The following ZNF512 variants were observed in gnomAD, a reference collection of about 807,000 sequenced individuals.
The protein encoded by ZNF512 is zinc finger protein 512.
ZNF512 carries 25 observed loss-of-function variants against 77.5 expected under a neutral mutation model. The observed-to-expected ratio is 0.32, with a 90% CI of 0.23 to 0.45. The LOEUF is 0.45. ZNF512 is among the 20% of genes least tolerant of loss of function. The pLI is 1.00. For synonymous variants in ZNF512, 246 were observed against 239.9 expected (o/e 1.03, Z -0.24); for missense variants, 483 against 692.6 (o/e 0.70, Z 3.40).
chr2:27,596,343 A>T lies in ZNF512; in HGVS notation c.90-1724A>T, dbSNP rs1009212372. ...GGGTATATGCCACACATTCATGGCTAAGGTTAAGTTGTGACTTATTTGGAT... is the reference window on the plus strand; with the variant it reads ...GGGTATATGCCACACATTCATGGCTTAGGTTAAGTTGTGACTTATTTGGAT... On this transcript the variant is annotated intron_variant, in intron 2 of 13. Transcript: ENST00000355467. 2.0e-5 allele frequency among the ~76,000 whole-genome samples: 3 copies of T among 152,198 alleles called. No individual in the cohort carries two copies. In the East Asian group the frequency reaches 5.8e-4, roughly 29 times the overall value.
rs1380128935 is a variant in ZNF512 at position 27,598,136 on chromosome 2, T to A, written c.159T>A (p.Ser53Arg). 1 of 1,614,094 alleles carries A rather than the reference T, an allele frequency of 6.2e-7. No homozygotes were observed. The highest frequency in any genetic ancestry group is 8.5e-7 in the Non-Finnish European group (1 of 1,179,944). Residue 53 changes from serine (S) to arginine (R), a missense_variant, in exon 3 of 14, where the codon AGT (serine) becomes AGA (arginine). By Grantham distance (110) the Ser-to-Arg change is moderately radical (BLOSUM62 -1). Coordinates refer to ENST00000355467, the MANE Select transcript of ZNF512 (RefSeq NM_032434.4). Reference protein sequence around the residue: ...QYTIPHDDSLSGSSSASSCEP... With the variant: ...QYTIPHDDSLRGSSSASSCEP... ...CTATCCCTCATGATGACTCCTTAAG[T>A]GGTTCATCGTCTGCATCTTCGTGTG... is the stretch of plus-strand genomic sequence containing the variant.
chr2:27,620,562 T>C (rs1409731502), intron 13 of ZNF512, among the ~76,000 whole-genome samples: 1 of 152,196 alleles, frequency 6.6e-6, no homozygotes, highest in Non-Finnish European at 1.5e-5. Context: ...GAGATTGGGC[T>C]CAACTCCCTA....
chr2:27,617,031 C>T (rs1328090026), intron 12 of ZNF512: 2 of 167,946 alleles, frequency 1.2e-5, no homozygotes, highest in Admixed American at 5.7e-5. Flanking sequence ...CTAGGTATTA[C>T]GGATGGTACT....
chr2:27,599,056 G>A (rs4468776), intron 3 of ZNF512, among the ~76,000 whole-genome samples: 2,559 of 152,248 alleles, frequency 0.017, 28 homozygotes, highest in South Asian at 0.037. Context: ...GGTCAGGCTG[G>A]TCTTGAACTC....
At chr2:27,587,867 A>T (rs1488045168) in intron 2 of ZNF512, among the ~76,000 whole-genome samples, 1 of 151,152 alleles carries the variant, frequency 6.6e-6, no homozygotes, top group Admixed American at 6.6e-5. Flanking sequence ...TTTAGTAGAG[A>T]CGGGGTTTCT....
chr2:27,591,373 C>T (rs1318620571), intron 2 of ZNF512, among the ~76,000 whole-genome samples: 1 of 152,176 alleles, frequency 6.6e-6, no homozygotes, highest in African/African-American at 2.4e-5. Context: ...AATCCAATTA[C>T]ACTCTTTTAG....
chr2:27,609,120 A>G (rs550328688), intron 10 of ZNF512, among the ~76,000 whole-genome samples: 165 of 151,750 alleles, frequency 1.1e-3, no homozygotes, highest in African/African-American at 3.9e-3. Context: ...AAAAAAAAAA[A>G]AAAGGAAAAG....
chr2:27,619,039 CCTGAGATGTCTT>C (rs1483767765), intron 13 of ZNF512, among the ~76,000 whole-genome samples: 1 of 152,190 alleles, frequency 6.6e-6, no homozygotes, highest in Admixed American at 6.5e-5. Flanking sequence ...CTAACCAAAG[CCTGAGATGTCTT>C]CTGAAGGCAG....
intron 12 of ZNF512, among the ~76,000 whole-genome samples, 159 bp downstream of exon 12, chr2:27,616,483 G>C (rs1298937739): frequency 6.6e-6 from 1 of 152,144 alleles, no homozygotes; most frequent in African/African-American, 2.4e-5. Flanking sequence ...TCTGGTATTG[G>C]GTGGGATGCC....
In ZNF512 at chr2:27,621,513, G is replaced by T; in HGVS notation, c.*52G>T. ...AAAGCAGATGTGATGCTGTTGTCAC[G>T]GGGACCTGTGCTGGGAGGACTGAGT... On this transcript the variant is annotated 3_prime_UTR_variant, in exon 14 of 14. Transcript: ENST00000355467. 6.5e-7 allele frequency: 1 copy of T among 1,529,836 alleles called. No homozygotes were observed. Among genetic ancestry groups the T allele is most frequent in the East Asian group, 2.3e-5 (1 of 43,534 alleles). The allele number at this position is 1,529,836 out of a possible 1,614,324, so 94.8% of individuals were successfully genotyped here.
At chr2:27,600,947 G>A in intron 6 of ZNF512, 132 bp downstream of exon 6, 1 of 1,220,196 alleles carries the variant, frequency 8.2e-7, no homozygotes, top group Non-Finnish European at 1.1e-6. Flanking sequence ...ATAGGCTTTG[G>A]ATCTGACAGA....
At chr2:27,584,220 A>G (rs1214694315) in intron 2 of ZNF512, among the ~76,000 whole-genome samples, 1 of 152,254 alleles carries the variant, frequency 6.6e-6, no homozygotes, top group African/African-American at 2.4e-5. Context: ...AAATGGAACC[A>G]AAGACTCAGT....
At chr2:27,613,738 C>G (rs13020949) in intron 10 of ZNF512, among the ~76,000 whole-genome samples, 5 of 151,806 alleles carry the variant, frequency 3.3e-5, no homozygotes. Context: ...ACAGTTCAAA[C>G]TCATGTTGTT....
intron 10 of ZNF512, among the ~76,000 whole-genome samples, chr2:27,612,096 A>G (rs974794120): frequency 1.4e-4 from 21 of 152,098 alleles, no homozygotes; most frequent in African/African-American, 4.8e-4. Context: ...GTTTTTCTCT[A>G]TTTGTATAAG....
At chr2:27,614,398 C>T (rs1349206952) in intron 10 of ZNF512, among the ~76,000 whole-genome samples, 1 of 152,114 alleles carries the variant, frequency 6.6e-6, no homozygotes, top group Non-Finnish European at 1.5e-5. Flanking sequence ...GTATTCTATT[C>T]CGTGATTTCT....
intron 9 of ZNF512, among the ~76,000 whole-genome samples, chr2:27,604,881 C>T (rs1007679916): frequency 6.6e-6 from 1 of 152,218 alleles, no homozygotes; most frequent in South Asian, 2.1e-4. Context: ...CTGGCAACCA[C>T]TGATTTATTT....
chr2:27,604,949 G>A (rs1672289448), intron 9 of ZNF512, among the ~76,000 whole-genome samples: 1 of 152,054 alleles, frequency 6.6e-6, no homozygotes, highest in African/African-American at 2.4e-5. Context: ...CATACAGCAT[G>A]TAGCCTTTCA....
chr2:27,592,515 A>G (rs1179081313), intron 2 of ZNF512, among the ~76,000 whole-genome samples: 2 of 150,890 alleles, frequency 1.3e-5, no homozygotes, highest in Non-Finnish European at 3.0e-5. Context: ...GGGTTTCACA[A>G]TATTGGCCAG....
In ZNF512 at chr2:27,623,213, A is replaced by G. The variant is rs1673198781; in HGVS notation, c.*1752A>G. The stretch of plus-strand genomic sequence containing the variant: ...AATAAATTCCACATGCAGTTGTCTC[A>G]GTAATTCTTTGGTTCATGAATTATG... On this transcript the variant is annotated 3_prime_UTR_variant, in exon 14 of 14. Coordinates refer to ENST00000355467, the MANE Select transcript of ZNF512 (RefSeq NM_032434.4). The G allele has an allele frequency of 6.6e-6, 1 of 152,350 alleles. No individual in the cohort carries two copies. Among genetic ancestry groups the G allele is most frequent in the Non-Finnish European group, 1.5e-5 (1 of 68,064 alleles). 9.4% of individuals were successfully genotyped at this position (152,350 alleles called of 1,614,324 possible). A position where few individuals can be genotyped will look rare whatever the true frequency, so the allele number is the denominator to read the frequency against.
Sources: allele counts gnomAD v4.1 joint callset (sites outside exome capture counted in the v4.1 genomes callset), GRCh38; gene constraint gnomAD v4.1.1; transcripts MANE v1.5; gene names NCBI Gene and HGNC (gene_info 2026-07-23, HGNC 2026-07-21).